Variants in LMBRD2 observed in about 807,000 individuals in gnomAD.
LMBRD2 encodes LMBR1 domain containing 2.
In LMBRD2, 55 loss-of-function variants were observed where a neutral mutation model predicts 94.4. The observed-to-expected ratio is 0.58, with a 90% CI of 0.47 to 0.73. The LOEUF is 0.73. LMBRD2 is among the 30% of genes least tolerant of loss of function. The pLI is 0.00. For missense variants in LMBRD2, 640 were observed against 831.9 expected, an observed-to-expected ratio of 0.77 and a Z score of 2.84; for synonymous variants, 246 against 272.4, an observed-to-expected ratio of 0.90 and a Z score of 0.95.
chr5:36,115,019 G>A lies in LMBRD2; in HGVS notation c.1538C>T (p.Thr513Ile). The A allele has an allele frequency of 6.4e-7, 1 of 1,566,530 alleles. No individual in the cohort carries two copies. The highest frequency in any genetic ancestry group is 8.8e-7 in the Non-Finnish European group (1 of 1,138,040). ...CTATTTTCTGACCGTACTTACAGAT[G>A]TATAAGCAGTTGGTTGAGTATTCTT... ...SHKNTQPTAY[T>I]SIMGSMKVLS... is the part of the protein sequence containing the mutation. The change falls in exon 12 of 18, where the codon ACA becomes ATA. Residue 513 changes from threonine to isoleucine, a missense_variant. Physicochemically the swap from Thr to Ile is moderately conservative, Grantham distance 89. Coordinates refer to ENST00000296603, the MANE Select transcript of LMBRD2 (RefSeq NM_001007527.2).
At chr5:36,108,764 G>T in intron 15 of LMBRD2, 125 bp from the exon 16 acceptor site, 1 of 422,032 alleles carries the variant, frequency 2.4e-6, no homozygotes, top group Non-Finnish European at 4.2e-6. Context: ...AATTATCCTA[G>T]TATCTTTAAA....
intron 4 of LMBRD2, among the ~76,000 whole-genome samples, chr5:36,138,517 C>T (rs1392626630): frequency 2.6e-5 from 4 of 152,086 alleles, no homozygotes; most frequent in East Asian, 1.9e-4. Context: ...TCTATGGTGA[C>T]GGAAGTCAGA....
Position 36,122,798 on chromosome 5 carries a change from G to A in LMBRD2, c.936+50C>T, listed in dbSNP as rs1368455282. The stretch of plus-strand genomic sequence containing the variant: ...CTTTTTTTATGAGCAATGATTAGAA[G>A]TCTAATTAAAATCATCATTAAGTAA... On this transcript the variant is annotated intron_variant, in intron 8 of 17. Coordinates refer to ENST00000296603, the MANE Select transcript of LMBRD2 (RefSeq NM_001007527.2). 7 of 1,537,096 alleles carry A rather than the reference G, an allele frequency of 4.6e-6. No homozygotes were observed. The African/African-American group carries it at 5.7e-5, about 13-fold the overall frequency.
chr5:36,142,878 C>T (rs1461580273), intron 2 of LMBRD2: 4 of 374,700 alleles, frequency 1.1e-5, no homozygotes, highest in Non-Finnish European at 1.5e-5. Context: ...GCGTCCGCCA[C>T]CACGTCCGGC....
In LMBRD2 at chr5:36,102,431, T is replaced by C. The variant is rs1169863942; in HGVS notation, c.*1615A>G. ...TCAAATTATCTCTGCTCCTGGCTTA[T>C]TGCTTTCTGGCCACACTTCACATGA... On this transcript the variant is annotated 3_prime_UTR_variant, in exon 18 of 18. Transcript: ENST00000296603. 1.3e-5 allele frequency: 2 copies of C among 151,856 alleles called. No individual in the cohort carries two copies. Among genetic ancestry groups the C allele is most frequent in the African/African-American group, 4.8e-5 (2 of 41,424 alleles). 9.4% of individuals were successfully genotyped at this position (151,856 alleles called of 1,614,324 possible).
chr5:36,124,252 A>G lies in LMBRD2; in HGVS notation c.761T>C (p.Val254Ala). ...LEDAMEEVRKVNESIKYNHPL... is the reference protein window; with the variant it reads ...LEDAMEEVRKANESIKYNHPL... Reference sequence around the variant, plus strand: ...GTGATTATACTTGATGCTTTCATTCACTTTACGAACCTCCTATAAAAACAG... The same window carrying G: ...GTGATTATACTTGATGCTTTCATTCGCTTTACGAACCTCCTATAAAAACAG... The change falls in exon 7 of 18, where the codon GTG becomes GCG. Residue 254 changes from valine (V) to alanine (A), a missense_variant. Val to Ala is a moderately conservative substitution (Grantham distance 64). Coordinates refer to ENST00000296603, the MANE Select transcript of LMBRD2 (RefSeq NM_001007527.2). The G allele has an allele frequency of 6.3e-7, 1 of 1,579,152 alleles. No individual in the cohort carries two copies. Among genetic ancestry groups the G allele is most frequent in the Non-Finnish European group, 8.7e-7 (1 of 1,150,222 alleles).
chr5:36,124,988 A>AAACT (rs1581052606), intron 6 of LMBRD2, among the ~76,000 whole-genome samples: 2 of 152,198 alleles, frequency 1.3e-5, no homozygotes, highest in Admixed American at 6.5e-5. Context: ...AAAAACAAAC[A>AAACT]AACAAAACAG....
In LMBRD2 at chr5:36,136,503, T is replaced by C. The variant is rs757409783; in HGVS notation, c.553A>G (p.Ile185Val). 144 of 1,613,916 alleles carry C rather than the reference T, an allele frequency of 8.9e-5. No individual in the cohort carries two copies. Among genetic ancestry groups the C allele is most frequent in the South Asian group, 3.7e-4 (34 of 91,080 alleles). Residue 185 changes from isoleucine (I) to valine (V), a missense_variant, in exon 6 of 18, where the codon ATT becomes GTT. By Grantham distance (29) the Ile-to-Val change is conservative. Transcript: ENST00000296603. ...LHLEWNQLQT[I>V]GIAAANTWGL... is the part of the protein sequence containing the mutation. Reference sequence around the variant, plus strand: ...CATGTATTTGCAGCAGCTATCCCAATTGTCTGAAGCTGGTTCCTAAGAAAG... The same window carrying C: ...CATGTATTTGCAGCAGCTATCCCAACTGTCTGAAGCTGGTTCCTAAGAAAG...
intron 1 of LMBRD2, among the ~76,000 whole-genome samples, chr5:36,147,323 T>C (rs1277757541): frequency 6.6e-6 from 1 of 151,914 alleles, no homozygotes. Context: ...AAGTGATGAG[T>C]TGCAAGGTTT....
Position 36,103,728 on chromosome 5 carries a change from G to C in LMBRD2, c.*318C>G, listed in dbSNP as rs1418085819. Reference sequence around the variant, plus strand: ...CTTGAATCTTTAAAATAACTCTCTTGAAAAAAAATTAATCTGAAACAAACT... The same window carrying C: ...CTTGAATCTTTAAAATAACTCTCTTCAAAAAAAATTAATCTGAAACAAACT... On this transcript the variant is annotated 3_prime_UTR_variant, in exon 18 of 18. Coordinates refer to ENST00000296603, the MANE Select transcript of LMBRD2 (RefSeq NM_001007527.2). 2 of 165,632 alleles carry C rather than the reference G, an allele frequency of 1.2e-5. No homozygotes were observed. Among genetic ancestry groups the C allele is most frequent in the East Asian group, 3.2e-4 (2 of 6,318 alleles). 10.3% of individuals were successfully genotyped at this position (165,632 alleles called of 1,614,324 possible).
chr5:36,121,405 T>A (rs561683320), intron 9 of LMBRD2, among the ~76,000 whole-genome samples: 14 of 152,324 alleles, frequency 9.2e-5, no homozygotes, highest in East Asian at 7.7e-4. Flanking sequence ...ACAATTTTTT[T>A]AAAATAAATA....
intron 1 of LMBRD2, chr5:36,147,827 T>C (rs1411404656): frequency 7.6e-6 from 3 of 396,402 alleles, no homozygotes; most frequent in Non-Finnish European, 1.5e-5. Flanking sequence ...TACCAAGTGA[T>C]CAGAACACAA....
chr5:36,116,614 A>T lies in LMBRD2; in HGVS notation c.1303-21T>A, dbSNP rs554019267. 85 of 1,607,400 alleles carry T rather than the reference A, an allele frequency of 5.3e-5. No individual in the cohort carries two copies. The South Asian group carries it at 8.3e-4, about 16-fold the overall frequency. ...GCAATCTGGAAAAAAACAAAAACAA[A>T]GCAGTTTGTTTAAAACAAACAGACT... On this transcript the variant is annotated intron_variant, in intron 10 of 17. Transcript: ENST00000296603.
At chr5:36,116,891 G>A (rs1208017773) in intron 10 of LMBRD2, among the ~76,000 whole-genome samples, 2 of 151,806 alleles carry the variant, frequency 1.3e-5, no homozygotes, top group Admixed American at 6.6e-5. Context: ...TGCCAGGCTG[G>A]TCTCAAACTC....
intron 15 of LMBRD2, 68 bp downstream of exon 15, chr5:36,109,877 T>C: frequency 8.6e-7 from 1 of 1,158,736 alleles, no homozygotes; most frequent in Non-Finnish European, 1.3e-6. Context: ...TATTCCAAAT[T>C]AGTAAGATTC....
At position 36,116,521 on chromosome 5, in the gene LMBRD2, T is replaced by G. The variant is rs952706399; in HGVS notation, c.1375A>C (p.Asn459His). ...TGATGTGAGGCCAAATAATAATAGT[T>G]AAATACACGAATCCTGAACACAGTA... Reference protein sequence around the residue: ...YSTVFRIRVFNYYYLASHHQT... With the variant: ...YSTVFRIRVFHYYYLASHHQT... The change falls in exon 11 of 18, where the codon AAC (asparagine) becomes CAC (histidine). Residue 459 changes from asparagine to histidine, a missense_variant. By Grantham distance (68) the Asn-to-His change is moderately conservative. Coordinates refer to ENST00000296603, the MANE Select transcript of LMBRD2 (RefSeq NM_001007527.2). The G allele has an allele frequency of 1.2e-6, 2 of 1,612,892 alleles. No individual in the cohort carries two copies. Among genetic ancestry groups the G allele is most frequent in the African/African-American group, 2.7e-5 (2 of 74,982 alleles).
At chr5:36,124,125 G>T in intron 7 of LMBRD2, 66 bp downstream of exon 7, 2 of 892,544 alleles carry the variant, frequency 2.2e-6, no homozygotes, top group Non-Finnish European at 3.4e-6. Flanking sequence ...TACTTTTCTG[G>T]TACTTTTGGT....
At chr5:36,105,040 G>C (rs1441434475) in intron 17 of LMBRD2, 28 bp downstream of exon 17, 1 of 1,607,166 alleles carries the variant, frequency 6.2e-7, no homozygotes, top group East Asian at 2.2e-5. Flanking sequence ...AGGAATGCTA[G>C]AGCTAAAATG....
At chr5:36,110,582 T>A (rs1223629169) in intron 14 of LMBRD2, among the ~76,000 whole-genome samples, 1 of 152,006 alleles carries the variant, frequency 6.6e-6, no homozygotes, top group East Asian at 1.9e-4. Context: ...AACTCATAAT[T>A]ACACAAAAGC....
Sources: allele counts gnomAD v4.1 joint callset (sites outside exome capture counted in the v4.1 genomes callset), GRCh38; gene constraint gnomAD v4.1.1; transcripts MANE v1.5; gene names NCBI Gene and HGNC (gene_info 2026-07-23, HGNC 2026-07-21).